GOLPH3L: variants seen among roughly 807,000 people sequenced by gnomAD.
The protein encoded by GOLPH3L is golgi phosphoprotein 3 like, also known as Golgi phosphoprotein 3-like.
GOLPH3L carries 22 observed loss-of-function variants against 30.3 expected under a neutral mutation model. That is an observed-to-expected ratio of 0.73 (90% CI 0.52 to 1.04). GOLPH3L has a LOEUF of 1.04. Among genes scored for constraint, GOLPH3L ranks in the 50% least tolerant of loss-of-function variants. The probability of loss-of-function intolerance (pLI) is 0.00; values close to 1 mark genes in which losing one functional copy is unlikely to be tolerated. For synonymous variants in GOLPH3L, 120 were observed against 128.2 expected, an observed-to-expected ratio of 0.94 and a Z score of 0.43; for missense variants, 303 against 345.8, an observed-to-expected ratio of 0.88 and a Z score of 0.98.
intron 2 of GOLPH3L, among the ~76,000 whole-genome samples, chr1:150,689,802 A>AT (rs922576843): frequency 2.2e-4 from 33 of 149,292 alleles, no homozygotes; most frequent in Admixed American, 5.3e-4. Flanking sequence ...CACCCAGCTA[A>AT]TTTTTTTTTT....
intron 2 of GOLPH3L, among the ~76,000 whole-genome samples, chr1:150,690,828 T>C (rs1216713364): frequency 2.0e-5 from 3 of 152,210 alleles, no homozygotes; most frequent in Non-Finnish European, 4.4e-5. Context: ...CTTCCCCGGA[T>C]TACTCTATCT....
chr1:150,666,754 G>C (rs902444344), intron 2 of GOLPH3L, among the ~76,000 whole-genome samples: 2 of 151,972 alleles, frequency 1.3e-5, no homozygotes, highest in Admixed American at 6.6e-5. Context: ...TTTCACATTT[G>C]TCTGGTGATT....
At chr1:150,652,147 A>G (rs1650116932) in intron 4 of GOLPH3L, among the ~76,000 whole-genome samples, 1 of 152,192 alleles carries the variant, frequency 6.6e-6, no homozygotes, top group African/African-American at 2.4e-5. Flanking sequence ...GCAGGCCAGA[A>G]GAATGAGTAG....
At chr1:150,687,725 C>A (rs1651119531) in intron 2 of GOLPH3L, among the ~76,000 whole-genome samples, 1 of 152,094 alleles carries the variant, frequency 6.6e-6, no homozygotes, top group African/African-American at 2.4e-5. Flanking sequence ...CATTAACATA[C>A]TTTATAATTA....
At chr1:150,694,876 T>C (rs76225960) in intron 1 of GOLPH3L, 26 bp from the exon 2 acceptor site, 4 of 1,231,536 alleles carry the variant, frequency 3.2e-6, no homozygotes, top group Admixed American at 4.3e-5. Context: ...AAAAAAAAAA[T>C]CCATATGTAT....
intron 4 of GOLPH3L, among the ~76,000 whole-genome samples, chr1:150,650,727 C>A (rs1250442227): frequency 6.6e-6 from 1 of 152,192 alleles, no homozygotes; most frequent in East Asian, 1.9e-4. Context: ...CTGTCTTCCA[C>A]GAAACCTGTC....
At chr1:150,688,666 G>A (rs768892234) in intron 2 of GOLPH3L, among the ~76,000 whole-genome samples, 10 of 152,126 alleles carry the variant, frequency 6.6e-5, no homozygotes, top group African/African-American at 7.2e-5. Context: ...AAGCAGAATC[G>A]CTTGAATCCG....
chr1:150,693,521 A>G (rs1651259711), intron 2 of GOLPH3L, among the ~76,000 whole-genome samples: 1 of 152,020 alleles, frequency 6.6e-6, no homozygotes, highest in Admixed American at 6.6e-5. Flanking sequence ...CCTGGAAAGA[A>G]AGCAGATTGT....
rs587726877 is a variant in GOLPH3L, at chr1:150,666,231, C to A, written c.184-2468G>T. ...TTAGGTCTCTAAGCACTTTGGCTCTCCTTTATTTTCTTTTTTCTTTCCTTC... is the reference window on the plus strand; with the variant it reads ...TTAGGTCTCTAAGCACTTTGGCTCTACTTTATTTTCTTTTTTCTTTCCTTC... On this transcript the variant is annotated intron_variant, in intron 2 of 4. Coordinates refer to ENST00000271732, the MANE Select transcript of GOLPH3L (RefSeq NM_018178.6). Among the ~76,000 whole-genome samples, 18 of 152,248 alleles carry A rather than the reference C, an allele frequency of 1.2e-4. No individual in the cohort carries two copies. The South Asian group carries it at 3.7e-3, about 32-fold the overall frequency.
Position 150,648,313 on chromosome 1 carries a change from T to G in GOLPH3L, c.*8A>C. The G allele has an allele frequency of 1.9e-6, 3 of 1,573,866 alleles. No homozygotes were observed. Among genetic ancestry groups the G allele is most frequent in the Non-Finnish European group, 2.6e-6 (3 of 1,156,050 alleles). ...AGCAGGGGAAAAGGAGAAATCCACC[T>G]GCCGGCTTTAAGATTTATTGAAGGC... On this transcript the variant is annotated 3_prime_UTR_variant, in exon 5 of 5. Transcript: ENST00000271732.
At chr1:150,677,628 CTTTTT>C (rs766263859) in intron 2 of GOLPH3L, among the ~76,000 whole-genome samples, 1 of 135,578 alleles carries the variant, frequency 7.4e-6, no homozygotes, top group Non-Finnish European at 1.6e-5. Context: ...TCAAACATTT[CTTTTT>C]TTTTTTTTTT....
At chr1:150,651,069 C>T (rs1650094051) in intron 4 of GOLPH3L, among the ~76,000 whole-genome samples, 5 of 152,216 alleles carry the variant, frequency 3.3e-5, no homozygotes, top group Admixed American at 3.3e-4. Flanking sequence ...GTAATCCCAG[C>T]ATTTTGAGAG....
rs768327027 is a variant in GOLPH3L, at chr1:150,661,833, T to C, written c.411A>G (p.Thr137=). The C allele has an allele frequency of 1.3e-6, 2 of 1,507,370 alleles. No homozygotes were observed. The highest frequency in any genetic ancestry group is 1.7e-4 in the Middle Eastern group (1 of 5,866). 93.4% of individuals were successfully genotyped at this position (1,507,370 alleles called of 1,614,324 possible). A position where few individuals can be genotyped will look rare whatever the true frequency, so the allele number is the denominator to read the frequency against. ...TCTTACCAGTGAGTAGCTCTATCCA[T>C]GTTTGGACAGTTTCTGTGGGTTCAG... ...KATEPTETVQ[T]WIELLTGETW... Residue 137 remains threonine (T), a synonymous_variant, in exon 4 of 5, where the codon ACA becomes ACG. Coordinates refer to ENST00000271732, the MANE Select transcript of GOLPH3L (RefSeq NM_018178.6).
At chr1:150,689,439 CAAAT>C (rs1651160797) in intron 2 of GOLPH3L, among the ~76,000 whole-genome samples, 2 of 152,276 alleles carry the variant, frequency 1.3e-5, no homozygotes, top group African/African-American at 2.4e-5. Flanking sequence ...GCAATAATAA[CAAAT>C]AAGCAGATTC....
intron 2 of GOLPH3L, among the ~76,000 whole-genome samples, chr1:150,679,525 G>A (rs587766730): frequency 6.6e-6 from 1 of 152,284 alleles, no homozygotes; most frequent in Admixed American, 6.5e-5. Context: ...AGGGCTGGGC[G>A]CAATGGCTCG....
intron 2 of GOLPH3L, among the ~76,000 whole-genome samples, chr1:150,691,368 T>C (rs965097138): frequency 6.6e-6 from 1 of 151,782 alleles, no homozygotes; most frequent in Non-Finnish European, 1.5e-5. Context: ...ATACAAAAAT[T>C]AGCCAGGCAT....
intron 2 of GOLPH3L, among the ~76,000 whole-genome samples, chr1:150,685,119 T>C (rs1415708378): frequency 6.6e-6 from 1 of 152,224 alleles, no homozygotes; most frequent in African/African-American, 2.4e-5. Context: ...AAATAATGTA[T>C]AGAATTTTCC....
chr1:150,673,697 G>C (rs923469224), intron 2 of GOLPH3L, among the ~76,000 whole-genome samples: 22 of 152,126 alleles, frequency 1.4e-4, no homozygotes, highest in Admixed American at 7.2e-4. Flanking sequence ...GGGAGGCCAA[G>C]GTGGGAGTAC....
At chr1:150,669,962 C>CAA (rs148601488) in intron 2 of GOLPH3L, among the ~76,000 whole-genome samples, 1 of 145,380 alleles carries the variant, frequency 6.9e-6, no homozygotes. Context: ...AACTCCGTCT[C>CAA]AAAAAAAAAA....
Sources: gnomAD v4.1 joint callset for allele counts (sites outside exome capture counted in the v4.1 genomes callset) on GRCh38, gnomAD v4.1.1 for gene constraint, MANE v1.5 for transcripts, NCBI Gene and HGNC (gene_info 2026-07-23, HGNC 2026-07-21) for gene names.